Variants in EPHA6 observed in about 807,000 individuals in gnomAD.
The protein encoded by EPHA6 is EPH receptor A6.
EPHA6 carries 50 observed loss-of-function variants against 112.0 expected under a neutral mutation model. The observed-to-expected ratio is 0.45, with a 90% CI of 0.36 to 0.56. EPHA6 has a LOEUF of 0.56. Among genes scored for constraint, EPHA6 ranks in the 20% least tolerant of loss-of-function variants. EPHA6 has a pLI of 0.00. For missense variants in EPHA6, 1,280 were observed against 1,417.4 expected, an observed-to-expected ratio of 0.90 and a Z score of 1.56; for synonymous variants, 529 against 490.7, an observed-to-expected ratio of 1.08 and a Z score of -1.03.
At chr3:96,853,298 G>A (rs990820114) in intron 1 of EPHA6, among the ~76,000 whole-genome samples, 11 of 152,076 alleles carry the variant, frequency 7.2e-5, no homozygotes, top group Admixed American at 7.2e-4. Flanking sequence ...CAACCAAATA[G>A]GAGGTCTGTA....
chr3:97,555,442 C>A (rs969254919), intron 11 of EPHA6, among the ~76,000 whole-genome samples: 1 of 152,014 alleles, frequency 6.6e-6, no homozygotes, highest in African/African-American at 2.4e-5. Context: ...TGGGTATATA[C>A]CTAGTAATGG....
chr3:96,866,075 C>CCTAGA (rs1181178655), intron 1 of EPHA6, among the ~76,000 whole-genome samples: 1 of 152,034 alleles, frequency 6.6e-6, no homozygotes, highest in Non-Finnish European at 1.5e-5. Context: ...ACCCCCTCAT[C>CCTAGA]CTAGACCAGT....
At position 97,720,344 on chromosome 3, in the gene EPHA6, T is replaced by C. The variant is rs774896058; in HGVS notation, c.2868T>C (p.Tyr956=). ...CCTCAGCAAGCGATGCATGGAGCTA[T>C]GGCATTGTCATGTGGGAGGTCATGT... ...KFSSASDAWS[Y]GIVMWEVMSY... Residue 956 remains tyrosine (Y), a synonymous_variant, in exon 15 of 18, where the codon TAT becomes TAC. Transcript: ENST00000389672. 3 of 1,611,760 alleles carry C rather than the reference T, an allele frequency of 1.9e-6. No homozygotes were observed. The highest frequency in any genetic ancestry group is 2.2e-5 in the East Asian group (1 of 44,708).
intron 14 of EPHA6, among the ~76,000 whole-genome samples, chr3:97,660,090 C>A (rs1207747919): frequency 1.3e-5 from 2 of 152,006 alleles, no homozygotes; most frequent in East Asian, 1.9e-4. Flanking sequence ...GCTACATATT[C>A]TTATGTGCAT....
At chr3:97,293,941 T>A (rs1425671495) in intron 5 of EPHA6, among the ~76,000 whole-genome samples, 1 of 152,122 alleles carries the variant, frequency 6.6e-6, no homozygotes, top group African/African-American at 2.4e-5. Context: ...GGGACCGAGG[T>A]GGCATGGGGC....
At chr3:97,359,563 A>G (rs1046402852) in intron 5 of EPHA6, among the ~76,000 whole-genome samples, 2 of 151,004 alleles carry the variant, frequency 1.3e-5, no homozygotes, top group Non-Finnish European at 2.9e-5. Flanking sequence ...GGTCTTTTTC[A>G]GGGACAGTTT....
chr3:97,649,738 T>C (rs1407036393), intron 14 of EPHA6, among the ~76,000 whole-genome samples: 2 of 150,448 alleles, frequency 1.3e-5, no homozygotes, highest in East Asian at 2.0e-4. Context: ...GCTATGCCAC[T>C]TGGGAAAAAA....
chr3:97,025,076 GT>G (rs2044591103), intron 3 of EPHA6, among the ~76,000 whole-genome samples: 1 of 152,180 alleles, frequency 6.6e-6, no homozygotes, highest in South Asian at 2.1e-4. Flanking sequence ...TCTAAGCTCA[GT>G]TTTGCCACTC....
In EPHA6 at chr3:97,262,709, A is replaced by G. The variant is rs147247490; in HGVS notation, c.1606+18422A>G. On this transcript the variant is annotated intron_variant, in intron 5 of 17. Coordinates refer to ENST00000389672, the MANE Select transcript of EPHA6 (RefSeq NM_001080448.3). The stretch of plus-strand genomic sequence containing the variant: ...TTTCATATCTACCACTCCTCATTTC[A>G]TTCTCTGCCTTCCTTTTTTTTAAAT... Among the ~76,000 whole-genome samples the G allele has an allele frequency of 1.4e-3, 215 of 152,160 alleles. 1 individual carries two copies. The highest frequency in any genetic ancestry group is 4.9e-3 in the African/African-American group (204 of 41,532).
At chr3:97,228,537 G>GTATATA (rs1462416077) in intron 4 of EPHA6, among the ~76,000 whole-genome samples, 2 of 148,200 alleles carry the variant, frequency 1.3e-5, no homozygotes, top group African/African-American at 5.2e-5. Context: ...GTGTGTGTGT[G>GTATATA]TGTATATATA....
At chr3:97,586,821 A>G (rs1169646089) in intron 11 of EPHA6, among the ~76,000 whole-genome samples, 3 of 152,248 alleles carry the variant, frequency 2.0e-5, no homozygotes, top group African/African-American at 7.2e-5. Flanking sequence ...CATTAGGTTC[A>G]ATAGACTAGT....
intron 6 of EPHA6, among the ~76,000 whole-genome samples, chr3:97,445,955 T>C (rs971867246): frequency 1.3e-5 from 2 of 152,080 alleles, no homozygotes; most frequent in South Asian, 4.1e-4. Flanking sequence ...CAACATACCC[T>C]ATCTAAACAT....
rs535214878 is a variant in EPHA6, at chr3:96,967,605, C to T, written c.451-19725C>T. On this transcript the variant is annotated intron_variant, in intron 2 of 17. Transcript: ENST00000389672. ...GATTATCGTGTACCAATATCTTTTTCTAGAAATCCATTTTAACTGTTTTGG... is the reference window on the plus strand; with the variant it reads ...GATTATCGTGTACCAATATCTTTTTTTAGAAATCCATTTTAACTGTTTTGG... 1.2e-3 allele frequency among the ~76,000 whole-genome samples: 180 copies of T among 151,630 alleles called. 1 individual carries two copies. The highest frequency in any genetic ancestry group is 4.1e-3 in the African/African-American group (171 of 41,406).
intron 14 of EPHA6, among the ~76,000 whole-genome samples, chr3:97,665,068 C>A (rs1188809452): frequency 2.0e-5 from 3 of 152,120 alleles, no homozygotes; most frequent in Non-Finnish European, 2.9e-5. Flanking sequence ...ACTTCAAACT[C>A]TACTACAAGG....
At chr3:97,202,244 C>T (rs150021650) in intron 3 of EPHA6, among the ~76,000 whole-genome samples, 15 of 151,804 alleles carry the variant, frequency 9.9e-5, no homozygotes, top group East Asian at 1.9e-4. Context: ...AGTAGAGCTA[C>T]GAGGAAGATA....
intron 14 of EPHA6, among the ~76,000 whole-genome samples, chr3:97,707,061 A>C (rs1166518569): frequency 6.6e-6 from 1 of 152,172 alleles, no homozygotes; most frequent in African/African-American, 2.4e-5. Context: ...TTGAAAATTT[A>C]GACTGAGAAA....
intron 5 of EPHA6, among the ~76,000 whole-genome samples, chr3:97,379,147 G>A (rs1018630829): frequency 2.6e-5 from 4 of 152,136 alleles, no homozygotes; most frequent in Non-Finnish European, 5.9e-5. Context: ...TGTCAAGGTA[G>A]TGAATAAGTC....
At chr3:97,438,769 GC>G (rs2089985923) in intron 6 of EPHA6, among the ~76,000 whole-genome samples, 1 of 152,132 alleles carries the variant, frequency 6.6e-6, no homozygotes, top group African/African-American at 2.4e-5. Context: ...AAGAAACAAT[GC>G]TACGTTACAC....
At position 97,574,339 on chromosome 3, in the gene EPHA6, T is replaced by C. The variant is rs1346507353; in HGVS notation, c.2387-18273T>C. Among the ~76,000 whole-genome samples the C allele has an allele frequency of 2.0e-5, 3 of 152,168 alleles. 1 individual carries two copies. Among genetic ancestry groups the C allele is most frequent in the African/African-American group, 7.2e-5 (3 of 41,468 alleles). ...AGGCTTAGGGCAGTCTCACTGGATC[T>C]ATTTGAATAAAAGAAAGTTTCTTAC... On this transcript the variant is annotated intron_variant, in intron 11 of 17. Coordinates refer to ENST00000389672, the MANE Select transcript of EPHA6 (RefSeq NM_001080448.3).
Sources: gnomAD v4.1 joint callset for allele counts (sites outside exome capture counted in the v4.1 genomes callset) on GRCh38, gnomAD v4.1.1 for gene constraint, MANE v1.5 for transcripts, NCBI Gene and HGNC (gene_info 2026-07-23, HGNC 2026-07-21) for gene names.